Variants in ADGRL3 observed in about 807,000 individuals in gnomAD.
ADGRL3 encodes adhesion G protein-coupled receptor L3.
In ADGRL3, 62 loss-of-function variants were observed where a neutral mutation model predicts 153.5. The ratio of observed to expected loss-of-function variants is 0.40; its 90% CI spans 0.33 to 0.50. The LOEUF (loss-of-function observed/expected upper bound fraction) is 0.50, where lower values mean the gene tolerates loss of function less well. ADGRL3 is among the 20% of genes least tolerant of loss of function. The probability of loss-of-function intolerance (pLI) is 0.47; values close to 1 mark genes in which losing one functional copy is unlikely to be tolerated. For synonymous variants in ADGRL3, 710 were observed against 672.5 expected (o/e 1.06, Z -0.86); for missense variants, 1,641 against 1,859.4 (o/e 0.88, Z 2.16).
At chr4:61,411,896 C>G (rs1255330534) in intron 2 of ADGRL3, among the ~76,000 whole-genome samples, 1 of 152,298 alleles carries the variant, frequency 6.6e-6, no homozygotes, top group South Asian at 2.1e-4. Context: ...ATAATTCCAT[C>G]TTAATATGAG....
At chr4:61,712,304 G>C (rs2096009849) in intron 6 of ADGRL3, among the ~76,000 whole-genome samples, 1 of 151,904 alleles carries the variant, frequency 6.6e-6, no homozygotes. Flanking sequence ...GAGGCAGGAG[G>C]GTCACTTAAG....
At chr4:61,672,519 A>G (rs1028154822) in intron 5 of ADGRL3, among the ~76,000 whole-genome samples, 18 of 152,120 alleles carry the variant, frequency 1.2e-4, no homozygotes, top group Non-Finnish European at 2.6e-4. Flanking sequence ...CAACAATGAA[A>G]CATGATAAAT....
chr4:62,054,773 A>T (rs568783147), intron 25 of ADGRL3, among the ~76,000 whole-genome samples: 1 of 151,680 alleles, frequency 6.6e-6, no homozygotes, highest in African/African-American at 2.4e-5. Context: ...CTACAAATTA[A>T]TAAATGAAAT....
intron 5 of ADGRL3, among the ~76,000 whole-genome samples, chr4:61,662,978 G>A (rs985568600): frequency 6.6e-5 from 10 of 151,840 alleles, no homozygotes; most frequent in African/African-American, 9.7e-5. Flanking sequence ...TCAGGACACC[G>A]TGCCTGTGGA....
At chr4:62,039,884 T>C (rs1727245497) in intron 24 of ADGRL3, among the ~76,000 whole-genome samples, 1 of 152,128 alleles carries the variant, frequency 6.6e-6, no homozygotes, top group African/African-American at 2.4e-5. Flanking sequence ...CATCCGATAG[T>C]CATTTTATTG....
At chr4:61,351,162 G>A (rs1275671094) in intron 1 of ADGRL3, among the ~76,000 whole-genome samples, 1 of 152,186 alleles carries the variant, frequency 6.6e-6, no homozygotes, top group Non-Finnish European at 1.5e-5. Flanking sequence ...GGTTTGGATA[G>A]AAAATCAAGG....
intron 5 of ADGRL3, among the ~76,000 whole-genome samples, chr4:61,636,416 C>T (rs2093425907): frequency 6.6e-6 from 1 of 152,076 alleles, no homozygotes; most frequent in Non-Finnish European, 1.5e-5. Flanking sequence ...GCTAGTTTCT[C>T]ATCAGATGCA....
intron 6 of ADGRL3, among the ~76,000 whole-genome samples, chr4:61,689,067 C>A (rs1431121579): frequency 6.6e-6 from 1 of 152,150 alleles, no homozygotes; most frequent in Non-Finnish European, 1.5e-5. Flanking sequence ...TCTGAATCTA[C>A]GCTGAGCTCA....
At chr4:61,689,907 T>C (rs1167120516) in intron 6 of ADGRL3, among the ~76,000 whole-genome samples, 1 of 152,130 alleles carries the variant, frequency 6.6e-6, no homozygotes, top group Non-Finnish European at 1.5e-5. Context: ...CGTTTCAAAA[T>C]TACCTGGAGA....
At position 61,870,651 on chromosome 4, in the gene ADGRL3, A is replaced by G. The variant is rs184865940; in HGVS notation, c.1481-22005A>G. On this transcript the variant is annotated intron_variant, in intron 9 of 26. Coordinates refer to ENST00000683033, the MANE Select transcript of ADGRL3 (RefSeq NM_001387552.1). ...TAAAAAGTGAGCAAATAGACATTTCACCAAAGAAGATATACAAATGGCCAA... is the reference window on the plus strand; with the variant it reads ...TAAAAAGTGAGCAAATAGACATTTCGCCAAAGAAGATATACAAATGGCCAA... 4.3e-4 allele frequency among the ~76,000 whole-genome samples: 65 copies of G among 152,356 alleles called. 1 individual carries two copies. The highest frequency in any genetic ancestry group is 5.4e-4 in the Non-Finnish European group (37 of 68,036).
intron 2 of ADGRL3, among the ~76,000 whole-genome samples, chr4:61,469,332 A>G (rs1187591650): frequency 6.6e-6 from 1 of 152,112 alleles, no homozygotes; most frequent in Non-Finnish European, 1.5e-5. Context: ...AATTATTATG[A>G]GTATTAAATG....
chr4:61,402,736 A>G (rs1263768147), intron 2 of ADGRL3, among the ~76,000 whole-genome samples: 1 of 152,114 alleles, frequency 6.6e-6, no homozygotes, highest in Non-Finnish European at 1.5e-5. Flanking sequence ...AAAGGCTGGC[A>G]ACTGCCAGAA....
At chr4:61,717,994 A>G (rs1011906896) in intron 6 of ADGRL3, among the ~76,000 whole-genome samples, 3 of 152,152 alleles carry the variant, frequency 2.0e-5, no homozygotes, top group East Asian at 3.9e-4. Flanking sequence ...AGATCAGGCC[A>G]CTGCACAGCA....
intron 5 of ADGRL3, among the ~76,000 whole-genome samples, chr4:61,632,782 A>G (rs561233965): frequency 6.6e-6 from 1 of 152,324 alleles, no homozygotes; most frequent in African/African-American, 2.4e-5. Flanking sequence ...GCTGAGATAA[A>G]TGACCTTTCT....
At chr4:62,048,098 T>C (rs1732106499) in intron 25 of ADGRL3, among the ~76,000 whole-genome samples, 1 of 152,082 alleles carries the variant, frequency 6.6e-6, no homozygotes, top group African/African-American at 2.4e-5. Flanking sequence ...CCCAGGGCTG[T>C]TGGAAATCTA....
chr4:61,598,570 G>A (rs936343054), intron 5 of ADGRL3, among the ~76,000 whole-genome samples: 1 of 152,146 alleles, frequency 6.6e-6, no homozygotes, highest in African/African-American at 2.4e-5. Context: ...GATGGTTACA[G>A]CATGAACTCA....
intron 8 of ADGRL3, among the ~76,000 whole-genome samples, chr4:61,746,948 G>C (rs2096670977): frequency 6.6e-6 from 1 of 152,096 alleles, no homozygotes; most frequent in Non-Finnish European, 1.5e-5. Flanking sequence ...CAACAAAATT[G>C]ATAGACTGCC....
chr4:61,823,784 G>A (rs1197192978), intron 9 of ADGRL3, among the ~76,000 whole-genome samples: 1 of 152,170 alleles, frequency 6.6e-6, no homozygotes, highest in Non-Finnish European at 1.5e-5. Context: ...TCCATAGGCT[G>A]GGCATGGTGG....
At chr4:61,918,687 T>G in intron 13 of ADGRL3, among the ~76,000 whole-genome samples, 1 of 152,204 alleles carries the variant, frequency 6.6e-6, no homozygotes, top group East Asian at 1.9e-4. Flanking sequence ...TGTGAAGCAC[T>G]GCTGAATCTG....
Sources: allele counts gnomAD v4.1 joint callset (sites outside exome capture counted in the v4.1 genomes callset), GRCh38; gene constraint gnomAD v4.1.1; transcripts MANE v1.5; gene names NCBI Gene and HGNC (gene_info 2026-07-23, HGNC 2026-07-21).